The following TTC28 variants were observed in gnomAD, a reference collection of about 807,000 sequenced individuals.
TTC28 encodes tetratricopeptide repeat domain 28.
TTC28 carries 61 observed loss-of-function variants against 198.0 expected under a neutral mutation model. The observed-to-expected ratio is 0.31, with a 90% CI of 0.25 to 0.38. The LOEUF (loss-of-function observed/expected upper bound fraction) is 0.38, where lower values mean the gene tolerates loss of function less well. TTC28 is among the 10% of genes least tolerant of loss of function. TTC28 has a pLI of 1.00. For synonymous variants in TTC28, 1,171 were observed against 1,297.8 expected (o/e 0.90, Z 2.10); for missense variants, 2,678 against 3,164.0 (o/e 0.85, Z 3.69).
chr22:28,413,028 C>A (rs2047107106), intron 2 of TTC28, among the ~76,000 whole-genome samples: 1 of 152,130 alleles, frequency 6.6e-6, no homozygotes, highest in African/African-American at 2.4e-5. Flanking sequence ...TGTGAAAAAT[C>A]ATCTCACTCG....
At chr22:28,610,718 G>T (rs1601620089) in intron 2 of TTC28, among the ~76,000 whole-genome samples, 1 of 152,282 alleles carries the variant, frequency 6.6e-6, no homozygotes, top group South Asian at 2.1e-4. Flanking sequence ...GACAGAGAAT[G>T]AGTTTGACAA....
chr22:28,312,407 C>T (rs1275089653), intron 2 of TTC28, among the ~76,000 whole-genome samples: 4 of 152,178 alleles, frequency 2.6e-5, no homozygotes, highest in Non-Finnish European at 4.4e-5. Context: ...ACAGAATATA[C>T]ATTCTTCTCA....
At chr22:28,180,932 C>T (rs921540321) in intron 5 of TTC28, among the ~76,000 whole-genome samples, 6 of 152,150 alleles carry the variant, frequency 3.9e-5, no homozygotes, top group Admixed American at 3.9e-4. Context: ...TGTTCCAATG[C>T]CTAAGCCTAG....
intron 17 of TTC28, 68 bp from the exon 18 acceptor site, chr22:27,993,586 G>A (rs1305449958): frequency 7.0e-7 from 1 of 1,426,326 alleles, no homozygotes; most frequent in African/African-American, 1.4e-5. Context: ...TGGCTTTGAG[G>A]GTACACAAAG....
intron 2 of TTC28, among the ~76,000 whole-genome samples, chr22:28,396,291 G>A (rs547867279): frequency 1.5e-4 from 23 of 152,296 alleles, no homozygotes; most frequent in East Asian, 5.8e-4. Flanking sequence ...TACACTCTCC[G>A]TTAGAAAATA....
chr22:28,081,494 T>G (rs907758898), intron 12 of TTC28, among the ~76,000 whole-genome samples: 1 of 113,756 alleles, frequency 8.8e-6, no homozygotes, highest in Admixed American at 1.1e-4. Flanking sequence ...GCCACCAGGA[T>G]TTTTTTTTTT....
intron 2 of TTC28, among the ~76,000 whole-genome samples, chr22:28,445,289 C>T (rs964687160): frequency 1.3e-5 from 2 of 152,112 alleles, no homozygotes; most frequent in African/African-American, 4.8e-5. Flanking sequence ...GAGAAAGTTA[C>T]GAAGAAGTTA....
At chr22:28,086,723 G>GAGCT (rs1941616525) in intron 12 of TTC28, among the ~76,000 whole-genome samples, 1 of 152,078 alleles carries the variant, frequency 6.6e-6, no homozygotes, top group African/African-American at 2.4e-5. Flanking sequence ...ATGAATCCAG[G>GAGCT]AGCTGGTTTT....
chr22:28,167,322 A>T (rs1016107308), intron 5 of TTC28, among the ~76,000 whole-genome samples: 1 of 152,238 alleles, frequency 6.6e-6, no homozygotes, highest in African/African-American at 2.4e-5. Context: ...AACTCATCTT[A>T]TGAGGCCAGC....
chr22:28,517,422 A>G (rs1360948062), intron 2 of TTC28, among the ~76,000 whole-genome samples: 1 of 152,210 alleles, frequency 6.6e-6, no homozygotes, highest in Admixed American at 6.5e-5. Flanking sequence ...ACAGAGCATC[A>G]TTAAAGATTT....
chr22:28,428,607 ATTATTTTATT>A (rs202173981), intron 2 of TTC28, among the ~76,000 whole-genome samples: 3,046 of 142,202 alleles, frequency 0.021, 122 homozygotes, highest in African/African-American at 0.072. Context: ...TTCATGAATT[ATTATTTTATT>A]TTATTTTATT....
At chr22:28,461,656 T>C (rs2047952437) in intron 2 of TTC28, among the ~76,000 whole-genome samples, 1 of 152,136 alleles carries the variant, frequency 6.6e-6, no homozygotes, top group Admixed American at 6.5e-5. Flanking sequence ...CTCGAACTCC[T>C]GACCTCAAGT....
intron 2 of TTC28, among the ~76,000 whole-genome samples, chr22:28,563,977 G>C (rs190800437): frequency 5.9e-5 from 9 of 152,264 alleles, no homozygotes; most frequent in African/African-American, 2.2e-4. Flanking sequence ...AAGGAATGTA[G>C]TACACTATAA....
At chr22:28,120,542 G>A (rs1052166152) in intron 6 of TTC28, among the ~76,000 whole-genome samples, 1 of 152,112 alleles carries the variant, frequency 6.6e-6, no homozygotes, top group African/African-American at 2.4e-5. Flanking sequence ...CTGAGAGTCT[G>A]AGACAGTAAC....
chr22:28,230,774 T>G (rs1451960688), intron 5 of TTC28, among the ~76,000 whole-genome samples: 5 of 152,086 alleles, frequency 3.3e-5, no homozygotes, highest in African/African-American at 1.2e-4. Context: ...GCAGAAAAAT[T>G]TTATATAATT....
intron 2 of TTC28, among the ~76,000 whole-genome samples, chr22:28,612,798 C>G (rs551042829): frequency 1.2e-4 from 19 of 152,126 alleles, no homozygotes; most frequent in Non-Finnish European, 2.6e-4. Flanking sequence ...AACAAAGACA[C>G]AATGTGCCAG....
intron 2 of TTC28, among the ~76,000 whole-genome samples, chr22:28,386,964 G>C (rs367570186): frequency 9.2e-5 from 14 of 151,932 alleles, no homozygotes; most frequent in African/African-American, 3.1e-4. Flanking sequence ...TCTAGCATTA[G>C]GTATATCACC....
chr22:28,200,009 T>A (rs192900660), intron 5 of TTC28, among the ~76,000 whole-genome samples: 103 of 152,252 alleles, frequency 6.8e-4, no homozygotes, highest in Non-Finnish European at 1.2e-4. Context: ...ATAGGTGACA[T>A]TTGTTGTTCT....
intron 12 of TTC28, among the ~76,000 whole-genome samples, chr22:28,044,522 A>G (rs1939786524): frequency 6.6e-6 from 1 of 152,162 alleles, no homozygotes; most frequent in African/African-American, 2.4e-5. Flanking sequence ...TTACATATGT[A>G]TACATGTGCC....
Sources: gnomAD v4.1 joint callset for allele counts (sites outside exome capture counted in the v4.1 genomes callset) on GRCh38, gnomAD v4.1.1 for gene constraint, MANE v1.5 for transcripts, NCBI Gene and HGNC (gene_info 2026-07-23, HGNC 2026-07-21) for gene names.